The following CLEC6A variants were observed in gnomAD, a reference collection of about 807,000 sequenced individuals.
CLEC6A encodes C-type lectin domain containing 6A.
CLEC6A carries 22 observed loss-of-function variants against 25.7 expected under a neutral mutation model. That is an observed-to-expected ratio of 0.85 (90% CI 0.61 to 1.22). The LOEUF is 1.22. CLEC6A is among the 50% of genes most tolerant of loss of function. CLEC6A has a pLI of 0.00. For missense variants in CLEC6A, 240 were observed against 236.8 expected, an observed-to-expected ratio of 1.01 and a Z score of -0.09; for synonymous variants, 92 against 76.7, an observed-to-expected ratio of 1.20 and a Z score of -1.04.
chr12:8,477,498 C>G lies in CLEC6A; in HGVS notation c.*34C>G. ...TTAATTGGAAAGAAGAGAAGAATTA[C>G]TGACGTAATTTTTTCCCTGACGTCT... is the stretch of plus-strand genomic sequence containing the variant. On this transcript the variant is annotated 3_prime_UTR_variant, in exon 6 of 6. Transcript: ENST00000382073. The G allele has an allele frequency of 6.5e-7, 1 of 1,540,574 alleles. No individual in the cohort carries two copies. The highest frequency in any genetic ancestry group is 1.2e-5 in the South Asian group (1 of 81,810).
intron 4 of CLEC6A, among the ~76,000 whole-genome samples, chr12:8,474,386 T>C (rs1225619751): frequency 1.3e-5 from 2 of 152,164 alleles, no homozygotes; most frequent in East Asian, 3.8e-4. Flanking sequence ...CTACAGATGT[T>C]TGGCTTGATT....
At chr12:8,467,406 A>G (rs1939847183) in intron 4 of CLEC6A, among the ~76,000 whole-genome samples, 1 of 152,268 alleles carries the variant, frequency 6.6e-6, no homozygotes, top group South Asian at 2.1e-4. Flanking sequence ...TATTTTGCCT[A>G]TGGATATCCA....
intron 4 of CLEC6A, among the ~76,000 whole-genome samples, chr12:8,470,090 A>G (rs1939885724): frequency 6.6e-6 from 1 of 152,194 alleles, no homozygotes; most frequent in Non-Finnish European, 1.5e-5. Flanking sequence ...TCAGCAAGAA[A>G]AATACAAACA....
At chr12:8,462,540 A>G (rs777220341) in intron 3 of CLEC6A, among the ~76,000 whole-genome samples, 103 of 135,768 alleles carry the variant, frequency 7.6e-4, no homozygotes, top group African/African-American at 2.1e-3. Context: ...CATGCGGGCA[A>G]CAATACTGCT....
chr12:8,457,049 G>A (rs186482950), intron 1 of CLEC6A, among the ~76,000 whole-genome samples: 4 of 151,958 alleles, frequency 2.6e-5, no homozygotes, highest in African/African-American at 9.7e-5. Context: ...GGTGGAGGTT[G>A]CAGGGTGCCA....
chr12:8,460,790 G>T lies in CLEC6A; in HGVS notation c.223+1092G>T, dbSNP rs115286993. ...CGACTGGGCTACAAGGCCAAACAAG[G>T]TTACCTTATATATAGGATTCGTGTT... On this transcript the variant is annotated intron_variant, in intron 3 of 5. Transcript: ENST00000382073. 7,742 of 1,310,218 alleles carry T rather than the reference G, an allele frequency of 5.9e-3. 347 individuals carry two copies. In the African/African-American group the frequency reaches 0.096, roughly 16 times the overall value. The allele number at this position is 1,310,218 out of a possible 1,614,324, so 81.2% of individuals were successfully genotyped here.
At chr12:8,468,342 A>G (rs769132031) in intron 4 of CLEC6A, among the ~76,000 whole-genome samples, 1 of 152,324 alleles carries the variant, frequency 6.6e-6, no homozygotes, top group Non-Finnish European at 1.5e-5. Flanking sequence ...TTGATTTTGC[A>G]TTCTGAAACT....
At chr12:8,457,859 C>A (rs765324685) in intron 1 of CLEC6A, 39 bp from the exon 2 acceptor site, 9 of 1,496,384 alleles carry the variant, frequency 6.0e-6, no homozygotes, top group Non-Finnish European at 8.4e-6. Flanking sequence ...GCTCCCTGGC[C>A]CCCTGGTAAC....
At chr12:8,463,781 C>T (rs928848035) in intron 3 of CLEC6A, among the ~76,000 whole-genome samples, 3 of 152,226 alleles carry the variant, frequency 2.0e-5, no homozygotes, top group Admixed American at 1.3e-4. Flanking sequence ...CTACTTTCTA[C>T]ACTTGCAAAG....
rs746059514 is a variant in CLEC6A at position 8,472,994 on chromosome 12, CTTT to C, written c.370-3114_370-3112del. On this transcript the variant is annotated intron_variant, in intron 4 of 5. Coordinates refer to ENST00000382073, the MANE Select transcript of CLEC6A (RefSeq NM_001007033.2). ...AGTACTCAGTGTTTAGCTCCTACTT[CTTT>C]TTTTTTTTTTTTTTTTGAGACGGAG... Among the ~76,000 whole-genome samples the C allele has an allele frequency of 2.8e-3, 10 of 3,574 alleles. 2 individuals are homozygous for C. Among genetic ancestry groups the C allele is most frequent in the African/African-American group, 4.6e-3 (10 of 2,152 alleles). The allele number at this position is 3,574 out of a possible 152,430, so 2.3% of individuals were successfully genotyped here. A position where few individuals can be genotyped will look rare whatever the true frequency, so the allele number is the denominator to read the frequency against.
At chr12:8,476,319 G>A in intron 5 of CLEC6A, 79 bp downstream of exon 5, 1 of 784,830 alleles carries the variant, frequency 1.3e-6, no homozygotes, top group Non-Finnish European at 2.2e-6. Context: ...TGTTAATATT[G>A]GTAATTATGA....
Position 8,459,537 on chromosome 12 carries a change from G to C in CLEC6A, c.122-60G>C. The C allele has an allele frequency of 2.8e-6, 3 of 1,060,706 alleles. No individual in the cohort carries two copies. The South Asian group carries it at 3.8e-5, about 13-fold the overall frequency. The allele number at this position is 1,060,706 out of a possible 1,614,324, so 65.7% of individuals were successfully genotyped here. On this transcript the variant is annotated intron_variant, in intron 2 of 5. Transcript: ENST00000382073. ...GGTAAGCCAGCACTGTACAGATATA[G>C]AGCCTAAGGCTTTATAGCAAAATAA...
rs944943702 is a variant in CLEC6A at position 8,478,180 on chromosome 12, A to G, written c.*716A>G. ...GTCAAATCTTTCTTTGCTTGCAAGC[A>G]TTTCTTGTTACCCAAATCTAATCTA... On this transcript the variant is annotated 3_prime_UTR_variant, in exon 6 of 6. Transcript: ENST00000382073. 6.6e-6 allele frequency: 1 copy of G among 151,954 alleles called. No individual in the cohort carries two copies. Among genetic ancestry groups the G allele is most frequent in the African/African-American group, 2.4e-5 (1 of 41,422 alleles). The allele number at this position is 151,954 out of a possible 1,614,324, so 9.4% of individuals were successfully genotyped here. A position where few individuals can be genotyped will look rare whatever the true frequency, so the allele number is the denominator to read the frequency against.
intron 2 of CLEC6A, among the ~76,000 whole-genome samples, chr12:8,458,461 C>T (rs1009690554): frequency 2.0e-5 from 3 of 152,124 alleles, no homozygotes; most frequent in African/African-American, 7.2e-5. Flanking sequence ...TATTTCTTCC[C>T]TGTTCTGCTT....
chr12:8,459,738 C>CA, intron 3 of CLEC6A, 40 bp downstream of exon 3: 1 of 1,345,660 alleles, frequency 7.4e-7, no homozygotes, highest in Non-Finnish European at 1.1e-6. Flanking sequence ...TCTTTTTTCT[C>CA]AGGGAGAGAT....
chr12:8,460,654 A>C, intron 3 of CLEC6A: 1 of 1,487,374 alleles, frequency 6.7e-7, no homozygotes, highest in Non-Finnish European at 9.3e-7. Flanking sequence ...GCTATGGAGA[A>C]AGAAGCAGTC....
At chr12:8,475,054 C>T (rs1434521690) in intron 4 of CLEC6A, among the ~76,000 whole-genome samples, 1 of 151,988 alleles carries the variant, frequency 6.6e-6, no homozygotes, top group Non-Finnish European at 1.5e-5. Flanking sequence ...CTACGCAGGC[C>T]CCAGTGTGTG....
At chr12:8,469,027 C>A (rs1045945480) in intron 4 of CLEC6A, among the ~76,000 whole-genome samples, 3 of 152,030 alleles carry the variant, frequency 2.0e-5, no homozygotes, top group Non-Finnish European at 4.4e-5. Flanking sequence ...CATGGTTATA[C>A]CTAGAAAACC....
At chr12:8,465,400 T>C in intron 3 of CLEC6A, 84 bp from the exon 4 acceptor site, 1 of 1,313,282 alleles carries the variant, frequency 7.6e-7, no homozygotes, top group Non-Finnish European at 1.1e-6. Context: ...ATTAAGAAAC[T>C]GTCTCTACAA....
Sources: allele counts gnomAD v4.1 joint callset (sites outside exome capture counted in the v4.1 genomes callset), GRCh38; gene constraint gnomAD v4.1.1; transcripts MANE v1.5; gene names NCBI Gene and HGNC (gene_info 2026-07-23, HGNC 2026-07-21).